The following RUNX1 variants were observed in gnomAD, a reference collection of about 807,000 sequenced individuals.
RUNX1 encodes the protein RUNX family transcription factor 1, also known as runt-related transcription factor 1.
RUNX1 carries 19 observed loss-of-function variants against 42.8 expected under a neutral mutation model. That is an observed-to-expected ratio of 0.44 (90% confidence interval 0.31 to 0.65). The LOEUF (loss-of-function observed/expected upper bound fraction) is 0.65. Ranked by LOEUF, RUNX1 falls within the 30% of genes least tolerant of loss-of-function variation. The probability of loss-of-function intolerance (pLI) is 0.07; values close to 1 mark genes in which losing one functional copy is unlikely to be tolerated. For synonymous variants in RUNX1, 271 were observed against 289.4 expected (o/e 0.94, Z 0.64); for missense variants, 528 against 672.0 (o/e 0.79, Z 2.37).
intron 2 of RUNX1, among the ~76,000 whole-genome samples, chr21:35,015,240 G>A (rs1318247730): frequency 1.3e-5 from 2 of 152,160 alleles, no homozygotes; most frequent in African/African-American, 4.8e-5. Context: ...CTAACTCAGA[G>A]GGTTGCTGTG....
Position 34,965,951 on chromosome 21 carries a change from A to G in RUNX1, c.59-72988T>C, listed in dbSNP as rs1358441627. On this transcript the variant is annotated intron_variant, in intron 2 of 8. Coordinates refer to ENST00000675419, the MANE Select transcript of RUNX1 (RefSeq NM_001754.5). The stretch of plus-strand genomic sequence containing the variant: ...GTAAGCATCCTCACTGCTGCATGCC[A>G]GGACAGGGATGGCTATGTGCCAGCC... Among the ~76,000 whole-genome samples the G allele has an allele frequency of 2.0e-5, 3 of 152,204 alleles. No individual in the cohort carries two copies. The East Asian group carries it at 5.8e-4, about 29-fold the overall frequency.
intron 2 of RUNX1, among the ~76,000 whole-genome samples, chr21:34,908,585 G>A (rs1037455902): frequency 5.3e-5 from 8 of 152,004 alleles, no homozygotes; most frequent in African/African-American, 7.2e-5. Context: ...CAGGGGGGTC[G>A]GGGGAGGTGC....
intron 2 of RUNX1, among the ~76,000 whole-genome samples, chr21:35,021,881 CCT>C (rs978640293): frequency 9.2e-5 from 14 of 152,308 alleles, no homozygotes; most frequent in African/African-American, 3.4e-4. Context: ...ATGTGCCTCT[CCT>C]CTCATAAGGC....
chr21:34,884,201 G>A (rs2057947168), intron 4 of RUNX1, among the ~76,000 whole-genome samples: 1 of 152,164 alleles, frequency 6.6e-6, no homozygotes, highest in African/African-American at 2.4e-5. Context: ...AAAAATAAAG[G>A]TGTTCCATGG....
At chr21:34,925,023 G>T (rs899214711) in intron 2 of RUNX1, among the ~76,000 whole-genome samples, 10 of 151,234 alleles carry the variant, frequency 6.6e-5, no homozygotes, top group African/African-American at 2.5e-4. Flanking sequence ...ACCATCACAT[G>T]GGGTGTTAGG....
At chr21:34,885,481 T>TA (rs1444963477) in intron 4 of RUNX1, among the ~76,000 whole-genome samples, 1 of 151,922 alleles carries the variant, frequency 6.6e-6, no homozygotes, top group African/African-American at 2.4e-5. Flanking sequence ...CCACCCCCAC[T>TA]AAAAAACAAA....
intron 2 of RUNX1, among the ~76,000 whole-genome samples, chr21:34,961,071 C>T (rs2006089): frequency 0.36 from 54,263 of 152,050 alleles, 10,888 homozygotes; most frequent in East Asian, 0.51. Flanking sequence ...ACCAAATAAA[C>T]TTTAAGAAAC....
chr21:34,994,029 T>G (rs2058974230), intron 2 of RUNX1, among the ~76,000 whole-genome samples: 1 of 152,200 alleles, frequency 6.6e-6, no homozygotes, highest in South Asian at 2.1e-4. Flanking sequence ...CCGGGCCGGC[T>G]GGCAACATAC....
intron 2 of RUNX1, among the ~76,000 whole-genome samples, chr21:35,036,640 C>A (rs1366911991): frequency 6.6e-6 from 1 of 152,210 alleles, no homozygotes; most frequent in African/African-American, 2.4e-5. Flanking sequence ...GGACTGGTGA[C>A]ATGGACTTTG....
chr21:34,866,994 A>G (rs566865490), intron 5 of RUNX1, among the ~76,000 whole-genome samples: 176 of 152,338 alleles, frequency 1.2e-3, no homozygotes, highest in South Asian at 3.1e-3. Flanking sequence ...AAAACCGAAG[A>G]CATGCAAAGC....
intron 6 of RUNX1, among the ~76,000 whole-genome samples, chr21:34,835,594 G>A (rs1367583713): frequency 6.6e-6 from 1 of 152,236 alleles, no homozygotes. Context: ...GTCCTGTCGT[G>A]CAAAGCTGAG....
intron 2 of RUNX1, among the ~76,000 whole-genome samples, chr21:34,914,363 G>A (rs2058295541): frequency 6.6e-6 from 1 of 152,190 alleles, no homozygotes; most frequent in South Asian, 2.1e-4. Context: ...GGAGCATTAG[G>A]AACAAGGACC....
intron 2 of RUNX1, among the ~76,000 whole-genome samples, chr21:34,919,423 G>T (rs1426291652): frequency 6.6e-6 from 1 of 152,124 alleles, no homozygotes; most frequent in South Asian, 2.1e-4. Context: ...CCCATCCCGT[G>T]TTTTTGACTT....
chr21:34,931,108 T>C (rs371835420), intron 2 of RUNX1, among the ~76,000 whole-genome samples: 3 of 152,102 alleles, frequency 2.0e-5, no homozygotes, highest in African/African-American at 2.4e-5. Context: ...AGTTTCTCTA[T>C]GTGATTCTTG....
chr21:34,834,514 G>A lies in RUNX1; in HGVS notation c.701C>T (p.Thr234Ile), dbSNP rs777161188. 1 of 1,613,382 alleles carries A rather than the reference G, an allele frequency of 6.2e-7. No individual in the cohort carries two copies. Among genetic ancestry groups the A allele is most frequent in the South Asian group, 1.1e-5 (1 of 91,062 alleles). Residue 234 changes from threonine to isoleucine, a missense_variant, in exon 7 of 9, where the codon ACA (threonine) becomes ATA (isoleucine). Physicochemically the swap from Thr to Ile is moderately conservative, Grantham distance 89. Around this residue, in one of 3 missense-constraint regions of RUNX1, gnomAD observed 331 missense variants for 382.5 expected, o/e 0.87. Coordinates refer to ENST00000675419, the MANE Select transcript of RUNX1 (RefSeq NM_001754.5). ...RLSELEQLRR[T>I]AMRVSPHHPA... ...GTGGTGTGGGCTGACCCTCATGGCT[G>A]TGCGCCGCAGCTGCTCCAGTTCACT...
intron 2 of RUNX1, among the ~76,000 whole-genome samples, chr21:35,032,780 C>A (rs983007961): frequency 1.3e-5 from 2 of 152,224 alleles, no homozygotes; most frequent in African/African-American, 2.4e-5. Context: ...AGCTTCTTAC[C>A]CTTAGCTGAT....
intron 2 of RUNX1, among the ~76,000 whole-genome samples, chr21:34,962,705 G>A (rs553551542): frequency 7.9e-5 from 12 of 152,288 alleles, no homozygotes; most frequent in African/African-American, 2.2e-4. Flanking sequence ...CCACTCCCTC[G>A]TTCACAGACA....
chr21:34,954,532 A>G lies in RUNX1; in HGVS notation c.59-61569T>C, dbSNP rs367697824. Among the ~76,000 whole-genome samples the G allele has an allele frequency of 1.6e-4, 25 of 152,282 alleles. 1 individual carries two copies. In the South Asian group the frequency reaches 3.5e-3, roughly 21 times the overall value. On this transcript the variant is annotated intron_variant, in intron 2 of 8. Transcript: ENST00000675419. Reference sequence around the variant, plus strand: ...GACTTCTCCCTCTGGTGTTCAACAAATATCCATGTAATCCTAACCTTTCCT... The same window carrying G: ...GACTTCTCCCTCTGGTGTTCAACAAGTATCCATGTAATCCTAACCTTTCCT...
intron 2 of RUNX1, among the ~76,000 whole-genome samples, chr21:34,945,244 A>G (rs541840824): frequency 1.0e-3 from 157 of 152,350 alleles, no homozygotes; most frequent in African/African-American, 3.7e-3. Context: ...AAATACAGCC[A>G]AAGGCATCCT....
Sources: allele counts gnomAD v4.1 joint callset (sites outside exome capture counted in the v4.1 genomes callset), GRCh38; gene constraint gnomAD v4.1.1; regional missense constraint gnomAD v4.1.1; transcripts MANE v1.5; gene names NCBI Gene and HGNC (gene_info 2026-07-23, HGNC 2026-07-21).